The following MYO9A variants were observed in gnomAD, a reference collection of about 807,000 sequenced individuals.
The protein encoded by MYO9A is unconventional myosin-IXa.
A neutral mutation model predicts 293.3 loss-of-function variants in MYO9A; 103 were observed. The ratio of observed to expected loss-of-function variants is 0.35; its 90% confidence interval spans 0.30 to 0.41. The LOEUF (loss-of-function observed/expected upper bound fraction) is 0.41, where lower values mean the gene tolerates loss of function less well. Ranked by LOEUF, MYO9A falls within the 10% of genes least tolerant of loss-of-function variation. The probability of loss-of-function intolerance (pLI) is 1.00; values close to 1 mark genes in which losing one functional copy is unlikely to be tolerated. For missense variants in MYO9A, 2,685 were observed against 3,033.0 expected, an observed-to-expected ratio of 0.89 and a Z score of 2.69; for synonymous variants, 1,001 against 1,035.7, an observed-to-expected ratio of 0.97 and a Z score of 0.64.
At position 71,830,164 on chromosome 15, in the gene MYO9A, T is replaced by G; in HGVS notation, c.6985A>C (p.Met2329Leu). 3 of 1,614,176 alleles carry G rather than the reference T, an allele frequency of 1.9e-6. No homozygotes were observed. The highest frequency in any genetic ancestry group is 2.5e-6 in the Non-Finnish European group (3 of 1,180,010). ...TDITEQQQAA[M>L]QQEERVLTEQ... ...GTCAGTACTCTCTCCTCCTGCTGCA[T>G]AGCTGCTTGCTGCTGTTCTGTGATG... Residue 2329 changes from methionine to leucine, a missense_variant, in exon 40 of 42, where the codon ATG becomes CTG. Physicochemically the swap from Met to Leu is conservative, Grantham distance 15. Around this residue, in one of 10 missense-constraint regions of MYO9A, gnomAD observed 350 missense variants for 328.9 expected, o/e 1.06. Coordinates refer to ENST00000356056, the MANE Select transcript of MYO9A (RefSeq NM_006901.4).
chr15:71,842,599 C>G (rs894789741), intron 39 of MYO9A, among the ~76,000 whole-genome samples: 23 of 152,110 alleles, frequency 1.5e-4, no homozygotes, highest in African/African-American at 5.3e-4. Flanking sequence ...GTGGCTCACA[C>G]TTGTAATCCC....
rs527605113 is a variant in MYO9A at position 72,116,569 on chromosome 15, A to G, written c.-72+1111T>C. ...TTTATTATTAAACCGACATCGAAGC[A>G]TTCAGGGATTAAGGAATGCTACAAA... On this transcript the variant is annotated intron_variant, in intron 1 of 41. Coordinates refer to ENST00000356056, the MANE Select transcript of MYO9A (RefSeq NM_006901.4). 2.0e-4 allele frequency among the ~76,000 whole-genome samples: 31 copies of G among 152,246 alleles called. 1 individual carries two copies. The highest frequency in any genetic ancestry group is 4.3e-4 in the Non-Finnish European group (29 of 68,038).
intron 1 of MYO9A, among the ~76,000 whole-genome samples, chr15:72,086,637 G>A (rs1434796736): frequency 6.6e-6 from 1 of 151,044 alleles, no homozygotes; most frequent in Non-Finnish European, 1.5e-5. Context: ...AAAGTGATGT[G>A]TGTTGGGGGG....
At chr15:72,005,239 T>A (rs181095913) in intron 8 of MYO9A, among the ~76,000 whole-genome samples, 15 of 152,324 alleles carry the variant, frequency 9.8e-5, no homozygotes, top group African/African-American at 3.4e-4. Context: ...TTCTGTCAAA[T>A]CATATTTGCC....
intron 15 of MYO9A, among the ~76,000 whole-genome samples, chr15:71,939,612 A>C (rs1869842763): frequency 6.6e-6 from 1 of 152,242 alleles, no homozygotes; most frequent in African/African-American, 2.4e-5. Flanking sequence ...TGACATGTTC[A>C]GATAAATACA....
intron 15 of MYO9A, among the ~76,000 whole-genome samples, chr15:71,941,205 G>A (rs886855031): frequency 2.0e-5 from 3 of 152,124 alleles, no homozygotes; most frequent in African/African-American, 7.2e-5. Flanking sequence ...GGAGGCCAAG[G>A]TGGGCACATC....
At chr15:71,941,842 G>A (rs1567299163) in intron 15 of MYO9A, among the ~76,000 whole-genome samples, 1 of 152,038 alleles carries the variant, frequency 6.6e-6, no homozygotes, top group Non-Finnish European at 1.5e-5. Context: ...AAAGCCCTAA[G>A]AACATGGAAC....
At chr15:71,887,326 G>C (rs2057049733) in intron 27 of MYO9A, among the ~76,000 whole-genome samples, 1 of 152,068 alleles carries the variant, frequency 6.6e-6, no homozygotes, top group Non-Finnish European at 1.5e-5. Flanking sequence ...ATTCCTCTTT[G>C]AGATAAATAT....
rs2056746441 is a variant in MYO9A, at chr15:71,878,023, A to T, written c.5931+17T>A. 1 of 1,559,040 alleles carries T rather than the reference A, an allele frequency of 6.4e-7. No homozygotes were observed. Among genetic ancestry groups the T allele is most frequent in the East Asian group, 2.3e-5 (1 of 43,296 alleles). On this transcript the variant is annotated intron_variant, in intron 31 of 41. Coordinates refer to ENST00000356056, the MANE Select transcript of MYO9A (RefSeq NM_006901.4). ...CATAATTAAATCCTTTAAGTAATCA[A>T]AATATATCACATTTACCTTTGTGGC...
intron 14 of MYO9A, among the ~76,000 whole-genome samples, chr15:71,952,787 G>T (rs1351853504): frequency 6.6e-6 from 1 of 152,114 alleles, no homozygotes; most frequent in Non-Finnish European, 1.5e-5. Context: ...ATGAACTAAA[G>T]TTCTATTACT....
At chr15:72,039,362 G>T (rs1345801607) in intron 2 of MYO9A, among the ~76,000 whole-genome samples, 1 of 151,852 alleles carries the variant, frequency 6.6e-6, no homozygotes, top group Non-Finnish European at 1.5e-5. Context: ...CTTTATAGTT[G>T]TATACAAACT....
chr15:71,938,625 A>G (rs2058696472), intron 16 of MYO9A: 1 of 375,960 alleles, frequency 2.7e-6, no homozygotes, highest in Non-Finnish European at 4.7e-6. Context: ...AGTTATTCTG[A>G]AGAAACTTTT....
At chr15:71,862,661 T>C in intron 32 of MYO9A, 50 bp from the exon 33 acceptor site, 1 of 1,224,452 alleles carries the variant, frequency 8.2e-7, no homozygotes, top group Admixed American at 1.8e-5. Flanking sequence ...CAGTAAATGC[T>C]GCCCTAACGT....
intron 41 of MYO9A, 117 bp downstream of exon 41, chr15:71,827,767 T>G (rs530412510): frequency 1.7e-6 from 2 of 1,188,542 alleles, no homozygotes; most frequent in African/African-American, 1.5e-5. Flanking sequence ...TCCTCAAGAC[T>G]TTGTTATTGC....
At chr15:71,886,525 A>G (rs1187607448) in intron 27 of MYO9A, among the ~76,000 whole-genome samples, 1 of 152,146 alleles carries the variant, frequency 6.6e-6, no homozygotes, top group Admixed American at 6.6e-5. Context: ...CTCCAGGTCC[A>G]GAGATACTCT....
intron 1 of MYO9A, among the ~76,000 whole-genome samples, chr15:72,055,672 T>C (rs1450472812): frequency 6.6e-6 from 1 of 151,710 alleles, no homozygotes; most frequent in Non-Finnish European, 1.5e-5. Flanking sequence ...AATAGACATC[T>C]CAAAAGAAGA....
At chr15:71,938,685 T>C in intron 16 of MYO9A, 167 bp downstream of exon 16, 1 of 473,362 alleles carries the variant, frequency 2.1e-6, no homozygotes, top group East Asian at 3.5e-5. Context: ...CAAATCTTGT[T>C]AACTTTAACC....
At chr15:72,023,065 C>T (rs1383317343) in intron 4 of MYO9A, among the ~76,000 whole-genome samples, 1 of 152,060 alleles carries the variant, frequency 6.6e-6, no homozygotes, top group Non-Finnish European at 1.5e-5. Flanking sequence ...ACTATGAGAA[C>T]GCTATCTCAC....
rs1211137026 is a variant in MYO9A, at chr15:72,019,028, C to T, written c.1155+11G>A. The T allele has an allele frequency of 6.2e-7, 1 of 1,611,944 alleles. No individual in the cohort carries two copies. The highest frequency in any genetic ancestry group is 1.7e-5 in the Admixed American group (1 of 60,010). On this transcript the variant is annotated intron_variant, in intron 6 of 41. Transcript: ENST00000356056. ...GACAGAAACACAGAATATTTAGGTA[C>T]TTGTACTGACCGGCTCAGAGTCATA...
Sources: allele counts gnomAD v4.1 joint callset (sites outside exome capture counted in the v4.1 genomes callset), GRCh38; gene constraint gnomAD v4.1.1; regional missense constraint gnomAD v4.1.1; transcripts MANE v1.5; gene names NCBI Gene and HGNC (gene_info 2026-07-23, HGNC 2026-07-21).